SMARCA2: variants seen among roughly 807,000 people sequenced by gnomAD.
SMARCA2 encodes SWI/SNF related BAF chromatin remodeling complex subunit ATPase 2, also known as SWI/SNF-related matrix-associated actin-dependent regulator of chromatin subfamily A member 2.
In SMARCA2, 61 loss-of-function variants were observed where a neutral mutation model predicts 199.8. The observed-to-expected ratio is 0.31, with a 90% CI of 0.25 to 0.38. The LOEUF (loss-of-function observed/expected upper bound fraction) is 0.38, where lower values mean the gene tolerates loss of function less well. Ranked by LOEUF, SMARCA2 falls within the 10% of genes least tolerant of loss-of-function variation. The pLI is 1.00. For synonymous variants in SMARCA2, 935 were observed against 732.0 expected, an observed-to-expected ratio of 1.28 and a Z score of -4.48; for missense variants, 1,344 against 2,012.2, an observed-to-expected ratio of 0.67 and a Z score of 6.35.
At chr9:2,160,320 T>G in intron 27 of SMARCA2, 1 of 439,364 alleles carries the variant, frequency 2.3e-6, no homozygotes, top group Non-Finnish European at 4.0e-6. Flanking sequence ...GTCTTTTGAT[T>G]ATTAAGGCCT....
intron 4 of SMARCA2, chr9:2,046,072 ATTATT>A (rs1280724210): frequency 1.5e-4 from 23 of 152,298 alleles, no homozygotes; most frequent in African/African-American, 4.3e-4. Flanking sequence ...TATGTAGACT[ATTATT>A]TTTGTTACCA....
At chr9:2,073,458 T>C in intron 11 of SMARCA2, 108 bp from the exon 12 acceptor site, 2 of 1,499,186 alleles carry the variant, frequency 1.3e-6, no homozygotes, top group Non-Finnish European at 1.8e-6. Flanking sequence ...AAGTTGTTAC[T>C]TGGATTTGTC....
chr9:2,125,444 T>TGGA (rs1005571223), intron 27 of SMARCA2, among the ~76,000 whole-genome samples: 8 of 151,958 alleles, frequency 5.3e-5, no homozygotes, highest in African/African-American at 1.9e-4. Flanking sequence ...ATTGAGTACC[T>TGGA]GGAGTATTAT....
chr9:2,044,661 T>G (rs1373391054), intron 4 of SMARCA2: 2 of 152,328 alleles, frequency 1.3e-5, no homozygotes, highest in African/African-American at 4.8e-5. Context: ...AGCCACAGAT[T>G]GGTTGAGTAA....
At chr9:2,160,837 AT>A in intron 27 of SMARCA2, 4 of 374,646 alleles carry the variant, frequency 1.1e-5, no homozygotes, top group Non-Finnish European at 1.4e-5. Context: ...CCTTGGCAGT[AT>A]TTTTCCCCTT....
intron 27 of SMARCA2, among the ~76,000 whole-genome samples, chr9:2,155,527 C>T (rs1011151249): frequency 1.2e-4 from 18 of 152,154 alleles, no homozygotes; most frequent in South Asian, 4.2e-4. Flanking sequence ...GTGATCCACC[C>T]GCCTTGGCCT....
chr9:2,191,587 T>G (rs996734570), intron 33 of SMARCA2, 179 bp downstream of exon 33: 8 of 580,088 alleles, frequency 1.4e-5, no homozygotes, highest in Non-Finnish European at 2.0e-5. Flanking sequence ...GAACAAAGGA[T>G]TGGGGGCTTT....
intron 24 of SMARCA2, among the ~76,000 whole-genome samples, chr9:2,111,839 A>G (rs968828663): frequency 6.6e-6 from 1 of 152,190 alleles, no homozygotes; most frequent in Non-Finnish European, 1.5e-5. Context: ...GATGAGGAGC[A>G]CTGATTTAAA....
chr9:2,184,125 G>A (rs572630422), intron 31 of SMARCA2, among the ~76,000 whole-genome samples: 14 of 152,232 alleles, frequency 9.2e-5, no homozygotes, highest in African/African-American at 3.1e-4. Context: ...TCTGTAGACT[G>A]CTTGCTGAGG....
intron 33 of SMARCA2, 153 bp downstream of exon 33, chr9:2,191,561 G>A (rs143863900): frequency 5.0e-5 from 40 of 796,304 alleles, no homozygotes; most frequent in African/African-American, 5.0e-4. Context: ...GGATGTGAAC[G>A]GAGCTGTATG....
chr9:2,145,351 T>C (rs993512698), intron 27 of SMARCA2, among the ~76,000 whole-genome samples: 1 of 146,384 alleles, frequency 6.8e-6, no homozygotes, highest in Non-Finnish European at 1.5e-5. Flanking sequence ...CCAAACACTA[T>C]AGAAAGGAGA....
intron 27 of SMARCA2, among the ~76,000 whole-genome samples, chr9:2,151,053 G>A (rs1434509506): frequency 6.6e-6 from 1 of 151,542 alleles, no homozygotes; most frequent in Non-Finnish European, 1.5e-5. Context: ...TAACACTATA[G>A]TATAGCAATT....
intron 32 of SMARCA2, 71 bp from the exon 33 acceptor site, chr9:2,191,195 A>C: frequency 7.0e-7 from 1 of 1,438,036 alleles, no homozygotes; most frequent in East Asian, 2.3e-5. Flanking sequence ...GGTTGGTGAT[A>C]GTCTTACCAC....
chr9:2,018,143 C>G (rs1818443923), intron 1 of SMARCA2: 1 of 152,240 alleles, frequency 6.6e-6, no homozygotes, highest in South Asian at 2.1e-4. Flanking sequence ...TATTCAAAGT[C>G]GTCCACTAGC....
At chr9:2,060,118 CA>C (rs372329238) in intron 8 of SMARCA2, among the ~76,000 whole-genome samples, 821 of 62,196 alleles carry the variant, frequency 0.013, 1 homozygote, top group African/African-American at 0.023. Flanking sequence ...GATCTGTGGC[CA>C]AAAAAAAAAA....
intron 27 of SMARCA2, among the ~76,000 whole-genome samples, chr9:2,149,607 C>A (rs369910745): frequency 1.3e-4 from 20 of 151,560 alleles, no homozygotes; most frequent in African/African-American, 4.6e-4. Context: ...TGAGGGAAAC[C>A]GCTCCCATGA....
At chr9:2,178,957 G>GAATT (rs1563832672) in intron 29 of SMARCA2, among the ~76,000 whole-genome samples, 1 of 152,206 alleles carries the variant, frequency 6.6e-6, no homozygotes, top group East Asian at 1.9e-4. Flanking sequence ...ACACATGGAA[G>GAATT]AATTAGGTTC....
Position 2,161,771 on chromosome 9 carries a change from C to A in SMARCA2, c.4067C>A (p.Pro1356His). 2.5e-6 allele frequency: 4 copies of A among 1,613,958 alleles called. No individual in the cohort carries two copies. The highest frequency in any genetic ancestry group is 2.5e-6 in the Non-Finnish European group (3 of 1,179,936). Residue 1356 changes from proline (P) to histidine (H), a missense_variant, in exon 28 of 34, where the codon CCT becomes CAT. By Grantham distance (77) the Pro-to-His change is moderately conservative. Around this residue, in one of 18 missense-constraint regions of SMARCA2, gnomAD observed 151 missense variants for 154.0 expected, o/e 0.98. Transcript: ENST00000349721. This position sits in a 1 kb window ranked among gnomAD's most constrained non-coding sequence, Gnocchi z 4.7. ...AGACGAAGAAATGTGGATAAAGATC[C>A]TGCAAAAGAAGATGTGGAAAAAGCT... Reference protein sequence around the residue: ...RKRRRNVDKDPAKEDVEKAKK... With the variant: ...RKRRRNVDKDHAKEDVEKAKK...
intron 19 of SMARCA2, among the ~76,000 whole-genome samples, chr9:2,096,254 CA>C (rs1822269716): frequency 6.6e-6 from 1 of 152,148 alleles, no homozygotes; most frequent in Non-Finnish European, 1.5e-5. Flanking sequence ...GGATATTTGC[CA>C]GTCACTGCTT....
Sources: allele counts gnomAD v4.1 joint callset (sites outside exome capture counted in the v4.1 genomes callset), GRCh38; gene constraint gnomAD v4.1.1; regional missense constraint gnomAD v4.1.1; non-coding constraint Gnocchi (gnomAD v3.1); transcripts MANE v1.5; gene names NCBI Gene and HGNC (gene_info 2026-07-23, HGNC 2026-07-21).